Variants in XKR6 observed in about 807,000 individuals in gnomAD.
The protein encoded by XKR6 is XK-related protein 6.
Under a neutral mutation model 56.7 loss-of-function variants are expected in XKR6, and 22 were observed. The observed-to-expected ratio is 0.39, with a 90% confidence interval of 0.28 to 0.55. The LOEUF is 0.55. Among genes scored for constraint, XKR6 ranks in the 20% least tolerant of loss-of-function variants. XKR6 has a pLI of 0.66. For synonymous variants in XKR6, 524 were observed against 387.8 expected, an observed-to-expected ratio of 1.35 and a Z score of -4.13; for missense variants, 852 against 889.0, an observed-to-expected ratio of 0.96 and a Z score of 0.53.
chr8:11,187,315 T>C (rs1160369989), intron 1 of XKR6, among the ~76,000 whole-genome samples: 2 of 152,196 alleles, frequency 1.3e-5, no homozygotes, highest in Admixed American at 6.5e-5. Context: ...AGGTAAGAAA[T>C]GTCACTTAAC....
chr8:11,126,817 C>T (rs1303262154), intron 1 of XKR6, among the ~76,000 whole-genome samples: 2 of 152,054 alleles, frequency 1.3e-5, no homozygotes, highest in Admixed American at 6.6e-5. Context: ...AATCCTGGGG[C>T]CGATGTATGT....
intron 1 of XKR6, among the ~76,000 whole-genome samples, chr8:11,051,835 C>CA (rs1265229942): frequency 4.8e-4 from 72 of 150,894 alleles, no homozygotes; most frequent in Non-Finnish European, 6.4e-4. Flanking sequence ...AAAGCAAAAA[C>CA]AAAAAAAAAC....
intron 2 of XKR6, among the ~76,000 whole-genome samples, chr8:10,921,698 C>G (rs925495433): frequency 6.6e-6 from 1 of 152,186 alleles, no homozygotes; most frequent in Non-Finnish European, 1.5e-5. Flanking sequence ...ATCTGTCTAC[C>G]ACCCTGCTAC....
intron 1 of XKR6, among the ~76,000 whole-genome samples, chr8:11,131,861 C>G (rs879873941): frequency 2.0e-5 from 3 of 152,180 alleles, no homozygotes; most frequent in Non-Finnish European, 4.4e-5. Flanking sequence ...ACAGGCTATA[C>G]CAGACAGTGT....
At chr8:10,922,199 A>G (rs1296711730) in intron 2 of XKR6, among the ~76,000 whole-genome samples, 1 of 152,236 alleles carries the variant, frequency 6.6e-6, no homozygotes, top group African/African-American at 2.4e-5. Flanking sequence ...TAGTAGCACA[A>G]ATGGGCTAAG....
At chr8:11,087,871 G>A (rs1406239532) in intron 1 of XKR6, among the ~76,000 whole-genome samples, 6 of 152,220 alleles carry the variant, frequency 3.9e-5, no homozygotes, top group Non-Finnish European at 7.3e-5. Flanking sequence ...AGAGAGCAGA[G>A]ATTTCTGTCC....
In XKR6 at chr8:11,116,935, A is replaced by C. The variant is rs368743469; in HGVS notation, c.764+83641T>G. On this transcript the variant is annotated intron_variant, in intron 1 of 2. Transcript: ENST00000416569. ...ATAAGGAGGCTGAATCCTCAGAGGT[A>C]TATTTCAGCTTACTAACTATATACT... Among the ~76,000 whole-genome samples, 57 of 152,302 alleles carry C rather than the reference A, an allele frequency of 3.7e-4. 1 individual carries two copies. The highest frequency in any genetic ancestry group is 1.3e-3 in the African/African-American group (55 of 41,568).
At chr8:11,039,848 C>T (rs927631930) in intron 1 of XKR6, among the ~76,000 whole-genome samples, 10 of 152,258 alleles carry the variant, frequency 6.6e-5, no homozygotes, top group East Asian at 1.9e-4. Context: ...CACAGCTCTA[C>T]GAACGCCGGG....
At chr8:11,039,895 C>T (rs530464565) in intron 1 of XKR6, among the ~76,000 whole-genome samples, 36 of 152,340 alleles carry the variant, frequency 2.4e-4, no homozygotes, top group Admixed American at 9.1e-4. Context: ...GACATCAGCC[C>T]GTTAGCGGAA....
At chr8:11,039,459 T>C (rs954411502) in intron 1 of XKR6, among the ~76,000 whole-genome samples, 3 of 152,224 alleles carry the variant, frequency 2.0e-5, no homozygotes, top group Admixed American at 6.5e-5. Context: ...GTGTGCAAGA[T>C]GAGGGACGCG....
intron 1 of XKR6, among the ~76,000 whole-genome samples, chr8:10,931,807 A>C (rs754517930): frequency 7.9e-5 from 12 of 151,482 alleles, no homozygotes; most frequent in Non-Finnish European, 1.8e-4. Context: ...TTCTTAAATG[A>C]CAGCAAAGGC....
chr8:11,085,332 T>C (rs1053157011), intron 1 of XKR6, among the ~76,000 whole-genome samples: 4 of 152,192 alleles, frequency 2.6e-5, no homozygotes, highest in African/African-American at 9.6e-5. Flanking sequence ...CTGCTCTGGT[T>C]GCCACATGCC....
intron 1 of XKR6, among the ~76,000 whole-genome samples, chr8:11,147,374 T>C (rs888327631): frequency 4.6e-5 from 7 of 152,074 alleles, no homozygotes; most frequent in South Asian, 4.1e-4. Context: ...AAAGAAGATA[T>C]ATGGATGGCG....
At chr8:11,135,223 G>A (rs1183123722) in intron 1 of XKR6, among the ~76,000 whole-genome samples, 1 of 151,986 alleles carries the variant, frequency 6.6e-6, no homozygotes, top group African/African-American at 2.4e-5. Flanking sequence ...CAGAGATGGG[G>A]TTTCACCATG....
intron 1 of XKR6, among the ~76,000 whole-genome samples, chr8:11,176,234 CA>C (rs1278665281): frequency 3.3e-5 from 5 of 152,178 alleles, no homozygotes; most frequent in Admixed American, 1.3e-4. Flanking sequence ...AATTGGCCAA[CA>C]TATGCATAAA....
At chr8:11,189,942 A>C (rs551315509) in intron 1 of XKR6, among the ~76,000 whole-genome samples, 1 of 152,334 alleles carries the variant, frequency 6.6e-6, no homozygotes, top group Non-Finnish European at 1.5e-5. Context: ...AGATCACCTG[A>C]GGTCAGCAGT....
intron 1 of XKR6, among the ~76,000 whole-genome samples, chr8:11,158,808 C>T (rs1256012101): frequency 1.3e-5 from 2 of 152,126 alleles, no homozygotes; most frequent in Admixed American, 1.3e-4. Flanking sequence ...GGTTCAAGTA[C>T]ATCAAATGCA....
intron 1 of XKR6, among the ~76,000 whole-genome samples, chr8:11,070,272 C>T (rs145411926): frequency 1.2e-4 from 19 of 152,286 alleles, no homozygotes; most frequent in East Asian, 3.9e-4. Context: ...TATTCATCCA[C>T]GCCTCATCAA....
At chr8:10,928,708 C>T (rs1379737559) in intron 1 of XKR6, among the ~76,000 whole-genome samples, 1 of 150,106 alleles carries the variant, frequency 6.7e-6, no homozygotes. Flanking sequence ...GGAGTGCAAG[C>T]CCAGAGGTGC....
Sources: allele counts gnomAD v4.1 joint callset (sites outside exome capture counted in the v4.1 genomes callset), GRCh38; gene constraint gnomAD v4.1.1; transcripts MANE v1.5; gene names NCBI Gene and HGNC (gene_info 2026-07-23, HGNC 2026-07-21).